The following ENPEP variants were observed in gnomAD, a reference collection of about 807,000 sequenced individuals.
The protein encoded by ENPEP is glutamyl aminopeptidase, also known as AP-A.
A neutral mutation model predicts 114.5 loss-of-function variants in ENPEP; 103 were observed. The observed-to-expected ratio is 0.90, with a 90% CI of 0.77 to 1.06. ENPEP has a LOEUF of 1.06. Among genes scored for constraint, ENPEP ranks in the 50% least tolerant of loss-of-function variants. The pLI, the probability that ENPEP is intolerant of heterozygous loss-of-function variation, is 0.00. For missense variants in ENPEP, 1,196 were observed against 1,161.3 expected, an observed-to-expected ratio of 1.03 and a Z score of -0.43; for synonymous variants, 420 against 422.0, an observed-to-expected ratio of 1.00 and a Z score of 0.06.
intron 13 of ENPEP, among the ~76,000 whole-genome samples, chr4:110,543,864 C>A (rs1363372582): frequency 6.6e-6 from 1 of 151,942 alleles, no homozygotes; most frequent in East Asian, 1.9e-4. Flanking sequence ...TCTTATGGGA[C>A]CCTATATTTC....
In ENPEP at chr4:110,561,729, G is replaced by A. The variant is rs1210173168; in HGVS notation, c.*171G>A. 9.8e-6 allele frequency: 6 copies of A among 609,622 alleles called. No individual in the cohort carries two copies. Among genetic ancestry groups the A allele is most frequent in the Admixed American group, 6.6e-5 (2 of 30,484 alleles). The allele number at this position is 609,622 out of a possible 1,614,324, so 37.8% of individuals were successfully genotyped here. On this transcript the variant is annotated 3_prime_UTR_variant, in exon 20 of 20. Coordinates refer to ENST00000265162, the MANE Select transcript of ENPEP (RefSeq NM_001977.4). ...CTTTAAATTGTTCCTCTTTGTTTAT[G>A]AAGAAAGATACTAATAGAGTACTTA...
chr4:110,494,271 T>C (rs1041717798), intron 3 of ENPEP, among the ~76,000 whole-genome samples: 6 of 152,220 alleles, frequency 3.9e-5, no homozygotes, highest in Admixed American at 1.3e-4. Flanking sequence ...CATTTTTATA[T>C]TTTATCACTA....
At chr4:110,509,846 A>G (rs987512278) in intron 5 of ENPEP, 39 bp downstream of exon 5, 1 of 1,593,094 alleles carries the variant, frequency 6.3e-7, no homozygotes, top group South Asian at 1.2e-5. Context: ...GTTTTTTTAA[A>G]GTGGCTTAAG....
intron 17 of ENPEP, among the ~76,000 whole-genome samples, chr4:110,550,206 A>G (rs1727234878): frequency 6.6e-6 from 1 of 152,070 alleles, no homozygotes; most frequent in African/African-American, 2.4e-5. Flanking sequence ...AGAGCTTGAA[A>G]CATTTTGTTT....
rs1578420367 is a variant in ENPEP, at chr4:110,553,299, G to C, written c.2502-16G>C. ...AAAGTTCACTTTGAATTGTTTTTCT[G>C]TTTGGCTTCTCTTAGGTATTTGGAT... is the stretch of plus-strand genomic sequence containing the variant. On this transcript the variant is annotated splice_polypyrimidine_tract_variant and intron_variant, in intron 17 of 19. Coordinates refer to ENST00000265162, the MANE Select transcript of ENPEP (RefSeq NM_001977.4). The C allele has an allele frequency of 1.3e-5, 20 of 1,543,374 alleles. No homozygotes were observed. In the East Asian group the frequency reaches 4.4e-4, roughly 34 times the overall value.
intron 10 of ENPEP, among the ~76,000 whole-genome samples, chr4:110,523,000 A>G (rs974578624): frequency 1.3e-5 from 2 of 152,296 alleles, no homozygotes; most frequent in East Asian, 1.9e-4. Context: ...CATCCAACCT[A>G]GGAAAACCAC....
chr4:110,492,781 C>T (rs1724776882), intron 3 of ENPEP, among the ~76,000 whole-genome samples: 1 of 152,156 alleles, frequency 6.6e-6, no homozygotes, highest in Admixed American at 6.5e-5. Flanking sequence ...GAGGTGAGAA[C>T]ATTAGTCAAG....
chr4:110,493,564 T>C (rs1724805275), intron 3 of ENPEP, among the ~76,000 whole-genome samples: 1 of 151,976 alleles, frequency 6.6e-6, no homozygotes, highest in Non-Finnish European at 1.5e-5. Flanking sequence ...AGCCAGAGTT[T>C]CCCCTCCTGA....
At chr4:110,495,292 C>G (rs1475667751) in intron 3 of ENPEP, among the ~76,000 whole-genome samples, 2 of 152,070 alleles carry the variant, frequency 1.3e-5, no homozygotes, top group East Asian at 3.8e-4. Flanking sequence ...GAAAATCCCC[C>G]GTATTAGTAT....
chr4:110,501,973 C>A (rs570220741), intron 3 of ENPEP, among the ~76,000 whole-genome samples: 49 of 152,222 alleles, frequency 3.2e-4, no homozygotes, highest in Middle Eastern at 6.8e-3. Context: ...TTAATAATAG[C>A]CATTCTGACT....
intron 2 of ENPEP, 88 bp downstream of exon 2, chr4:110,488,770 T>A: frequency 6.7e-7 from 1 of 1,486,772 alleles, no homozygotes; most frequent in Non-Finnish European, 9.0e-7. Flanking sequence ...AGAGAACCCA[T>A]TGAATTCTAA....
At chr4:110,491,235 G>GTTTTT in intron 3 of ENPEP, 71 bp downstream of exon 3, 10 of 1,039,836 alleles carry the variant, frequency 9.6e-6, no homozygotes, top group East Asian at 3.4e-5. Flanking sequence ...TTTTTGGGTA[G>GTTTTT]TTTTTTTTTT....
chr4:110,540,051 C>G (rs888947627), intron 11 of ENPEP, among the ~76,000 whole-genome samples: 1 of 152,042 alleles, frequency 6.6e-6, no homozygotes, highest in Non-Finnish European at 1.5e-5. Flanking sequence ...CTAGAAAGAG[C>G]TCCTACTCAG....
chr4:110,549,723 G>T lies in ENPEP; in HGVS notation c.2338G>T (p.Val780Leu). 6.2e-7 allele frequency: 1 copy of T among 1,612,690 alleles called. No homozygotes were observed. Among genetic ancestry groups the T allele is most frequent in the Non-Finnish European group, 8.5e-7 (1 of 1,179,314 alleles). Reference sequence around the variant, plus strand: ...CACTGTTTCTTCTTCTAGCCTTCCCGTAAATCTCAGGCTTCTGGTGTATCG... The same window carrying T: ...CACTGTTTCTTCTTCTAGCCTTCCCTTAAATCTCAGGCTTCTGGTGTATCG... ...QWLNGTVSLP[V>L]NLRLLVYRYG... Residue 780 changes from valine to leucine, a missense_variant, in exon 17 of 20, where the codon GTA (valine) becomes TTA (leucine). Val to Leu is a conservative substitution (Grantham distance 32). Coordinates refer to ENST00000265162, the MANE Select transcript of ENPEP (RefSeq NM_001977.4).
At chr4:110,487,897 A>T (rs1434030880) in intron 1 of ENPEP, among the ~76,000 whole-genome samples, 1 of 152,178 alleles carries the variant, frequency 6.6e-6, no homozygotes, top group Non-Finnish European at 1.5e-5. Flanking sequence ...AGTTAGAGCC[A>T]TAAAAAAAAA....
chr4:110,545,351 T>G (rs533868211), intron 13 of ENPEP, among the ~76,000 whole-genome samples: 2 of 152,150 alleles, frequency 1.3e-5, no homozygotes, highest in South Asian at 4.1e-4. Context: ...GGTAAGAAAT[T>G]TACCCATCAC....
chr4:110,549,271 TG>T, intron 14 of ENPEP, 74 bp from the exon 15 acceptor site: 1 of 1,166,632 alleles, frequency 8.6e-7, no homozygotes, highest in Non-Finnish European at 1.3e-6. Context: ...TAACAGGGGC[TG>T]CTGAGTATAA....
At chr4:110,519,952 A>AAGTATGAGAAAAGC in intron 8 of ENPEP, 56 bp from the exon 9 acceptor site, 1 of 1,515,664 alleles carries the variant, frequency 6.6e-7, no homozygotes, top group Non-Finnish European at 9.1e-7. Context: ...CATCTTGTGA[A>AAGTATGAGAAAAGC]AGTATGAGAA....
At chr4:110,540,602 C>T (rs1726813394) in intron 11 of ENPEP, among the ~76,000 whole-genome samples, 1 of 152,102 alleles carries the variant, frequency 6.6e-6, no homozygotes, top group Admixed American at 6.6e-5. Flanking sequence ...CTTCCTGGAT[C>T]TCAGCTTCCT....
Sources: allele counts gnomAD v4.1 joint callset (sites outside exome capture counted in the v4.1 genomes callset), GRCh38; gene constraint gnomAD v4.1.1; transcripts MANE v1.5; gene names NCBI Gene and HGNC (gene_info 2026-07-23, HGNC 2026-07-21).